CACNA2D2: variants seen among roughly 807,000 people sequenced by gnomAD.
The protein encoded by CACNA2D2 is voltage-dependent calcium channel subunit alpha-2/delta-2.
CACNA2D2 carries 48 observed loss-of-function variants against 166.4 expected under a neutral mutation model. The observed-to-expected ratio is 0.29, with a 90% CI of 0.23 to 0.37. CACNA2D2 has a LOEUF of 0.37. Ranked by LOEUF, CACNA2D2 falls within the 10% of genes least tolerant of loss-of-function variation. The pLI, the probability that CACNA2D2 is intolerant of heterozygous loss-of-function variation, is 1.00. For missense variants in CACNA2D2, 1,122 were observed against 1,433.0 expected, an observed-to-expected ratio of 0.78 and a Z score of 3.50; for synonymous variants, 561 against 573.7, an observed-to-expected ratio of 0.98 and a Z score of 0.32.
intron 2 of CACNA2D2, among the ~76,000 whole-genome samples, chr3:50,446,605 C>T (rs939415655): frequency 2.0e-5 from 3 of 152,236 alleles, no homozygotes; most frequent in South Asian, 2.1e-4. Flanking sequence ...CTATGAAAGT[C>T]AGCGGGGTCA....
intron 4 of CACNA2D2, among the ~76,000 whole-genome samples, 198 bp from the exon 5 acceptor site, chr3:50,387,810 T>C (rs1395454939): frequency 1.3e-5 from 2 of 152,176 alleles, no homozygotes; most frequent in Non-Finnish European, 2.9e-5. Flanking sequence ...TCAGGGGCCC[T>C]GCACAGGCTC....
At chr3:50,430,504 C>T (rs1708016441) in intron 3 of CACNA2D2, among the ~76,000 whole-genome samples, 1 of 152,202 alleles carries the variant, frequency 6.6e-6, no homozygotes, top group Admixed American at 6.5e-5. Flanking sequence ...GGGGGAGAAA[C>T]TAAGGCCTGG....
intron 2 of CACNA2D2, among the ~76,000 whole-genome samples, chr3:50,447,700 A>G (rs770365400): frequency 1.1e-4 from 17 of 152,110 alleles, no homozygotes; most frequent in Admixed American, 9.2e-4. Context: ...AGTGTCTTTG[A>G]GCATACATGA....
chr3:50,394,039 C>T (rs1014543785), intron 4 of CACNA2D2, 70 bp downstream of exon 4: 59 of 1,415,314 alleles, frequency 4.2e-5, no homozygotes, highest in Admixed American at 1.7e-4. Context: ...GCAGCTCCCA[C>T]CCCCCAGCAT....
chr3:50,362,987 C>G lies in CACNA2D2; in HGVS notation c.*1679G>C. The stretch of plus-strand genomic sequence containing the variant: ...AGGGCAGAGAAAAGGAAATGGCCCC[C>G]CAGTCCCCCAGCCCAAGGTGAGGGG... On this transcript the variant is annotated 3_prime_UTR_variant, in exon 38 of 38. Transcript: ENST00000424201. 1 of 397,746 alleles carries G rather than the reference C, an allele frequency of 2.5e-6. No homozygotes were observed. The highest frequency in any genetic ancestry group is 4.4e-6 in the Non-Finnish European group (1 of 225,948). The allele number at this position is 397,746 out of a possible 1,614,324, so 24.6% of individuals were successfully genotyped here.
At chr3:50,455,241 G>A (rs73833386) in intron 2 of CACNA2D2, among the ~76,000 whole-genome samples, 13,349 of 152,206 alleles carry the variant, frequency 0.088, 1,782 homozygotes, top group African/African-American at 0.29. Context: ...GACAAGCACC[G>A]GAGGCATTTG....
chr3:50,466,532 T>G (rs1289603169), intron 2 of CACNA2D2, among the ~76,000 whole-genome samples: 4 of 152,166 alleles, frequency 2.6e-5, no homozygotes, highest in South Asian at 2.1e-4. Flanking sequence ...CGCTCACATG[T>G]TACTTACAGC....
chr3:50,487,569 C>T (rs761289339), intron 1 of CACNA2D2, among the ~76,000 whole-genome samples: 2 of 152,184 alleles, frequency 1.3e-5, no homozygotes, highest in Non-Finnish European at 2.9e-5. Context: ...CTGTTACTCT[C>T]GGGTGCTCTG....
chr3:50,482,071 A>G (rs1269196629), intron 1 of CACNA2D2, among the ~76,000 whole-genome samples: 1 of 152,206 alleles, frequency 6.6e-6, no homozygotes, highest in Admixed American at 6.5e-5. Context: ...GTTACCTCCC[A>G]CCTCAGCACC....
chr3:50,476,057 A>T (rs1484050479), intron 2 of CACNA2D2, 61 bp downstream of exon 2: 6 of 1,395,600 alleles, frequency 4.3e-6, no homozygotes, highest in African/African-American at 1.4e-5. Context: ...TTATTTCTGA[A>T]GCTTTTCCCC....
rs1367806608 is a variant in CACNA2D2 at position 50,370,423 on chromosome 3, C to T, written c.1985-43G>A. 8.2e-6 allele frequency: 5 copies of T among 611,342 alleles called. No homozygotes were observed. The Admixed American group carries it at 1.1e-4, about 13-fold the overall frequency. 37.9% of individuals were successfully genotyped at this position (611,342 alleles called of 1,614,324 possible). On this transcript the variant is annotated intron_variant, in intron 22 of 37. Transcript: ENST00000424201. The stretch of plus-strand genomic sequence containing the variant: ...GGTTATCCGGCGGGGGCTGGGGAGG[C>T]TGGAGGCCGGGGGGCTCAGAGCTGA...
At chr3:50,460,451 C>A (rs1709541942) in intron 2 of CACNA2D2, among the ~76,000 whole-genome samples, 1 of 151,076 alleles carries the variant, frequency 6.6e-6, no homozygotes, top group Non-Finnish European at 1.5e-5. Context: ...ACCTGTAAAT[C>A]CAAAATTATT....
At chr3:50,489,763 G>A (rs1270598228) in intron 1 of CACNA2D2, among the ~76,000 whole-genome samples, 1 of 152,140 alleles carries the variant, frequency 6.6e-6, no homozygotes, top group African/African-American at 2.4e-5. Context: ...GATCTCCCCA[G>A]GACCTCCACA....
chr3:50,484,956 C>T (rs1038468169), intron 1 of CACNA2D2, among the ~76,000 whole-genome samples: 5 of 152,180 alleles, frequency 3.3e-5, no homozygotes, highest in Admixed American at 2.0e-4. Flanking sequence ...ATGGTGGCTG[C>T]CCCAGGGCTG....
At chr3:50,404,152 G>A (rs958175401) in intron 3 of CACNA2D2, among the ~76,000 whole-genome samples, 9 of 152,128 alleles carry the variant, frequency 5.9e-5, no homozygotes, top group African/African-American at 9.7e-5. Context: ...GCAGAAACCC[G>A]GTCAGAAATG....
intron 3 of CACNA2D2, among the ~76,000 whole-genome samples, chr3:50,400,686 G>A (rs1006025732): frequency 6.6e-6 from 1 of 152,222 alleles, no homozygotes; most frequent in African/African-American, 2.4e-5. Flanking sequence ...TTCCTGTCGG[G>A]TGCACTGTTG....
intron 3 of CACNA2D2, among the ~76,000 whole-genome samples, chr3:50,431,411 C>T (rs905284806): frequency 1.5e-4 from 23 of 151,952 alleles, no homozygotes; most frequent in Non-Finnish European, 2.8e-4. Flanking sequence ...TGCCCAGGAG[C>T]GCTGGGAGGC....
chr3:50,447,074 T>C (rs1190127101), intron 2 of CACNA2D2, among the ~76,000 whole-genome samples: 5 of 151,992 alleles, frequency 3.3e-5, no homozygotes, highest in Non-Finnish European at 7.4e-5. Context: ...CCAAAACAGA[T>C]TGTGTACCTT....
At chr3:50,456,466 T>C (rs761416234) in intron 2 of CACNA2D2, among the ~76,000 whole-genome samples, 1 of 152,202 alleles carries the variant, frequency 6.6e-6, no homozygotes, top group Non-Finnish European at 1.5e-5. Context: ...TGGCCTGGGA[T>C]AGGGTCTGGA....
Sources: allele counts gnomAD v4.1 joint callset (sites outside exome capture counted in the v4.1 genomes callset), GRCh38; gene constraint gnomAD v4.1.1; transcripts MANE v1.5; gene names NCBI Gene and HGNC (gene_info 2026-07-23, HGNC 2026-07-21).